RAP1A: variants seen among roughly 807,000 people sequenced by gnomAD.
RAP1A encodes the protein ras-related protein Rap-1A.
A neutral mutation model predicts 26.4 loss-of-function variants in RAP1A; 6 were observed. The ratio of observed to expected loss-of-function variants is 0.23; its 90% confidence interval spans 0.12 to 0.45. The LOEUF (loss-of-function observed/expected upper bound fraction) is 0.45, where lower values mean the gene tolerates loss of function less well. Among genes scored for constraint, RAP1A ranks in the 20% least tolerant of loss-of-function variants. RAP1A has a pLI of 0.99. For missense variants in RAP1A, 121 were observed against 217.2 expected (o/e 0.56, Z 2.78); for synonymous variants, 73 against 79.4 (o/e 0.92, Z 0.43).
intron 1 of RAP1A, among the ~76,000 whole-genome samples, chr1:111,588,027 C>A (rs1429705918): frequency 6.6e-6 from 1 of 152,180 alleles, no homozygotes; most frequent in Non-Finnish European, 1.5e-5. Context: ...TGACCCACAG[C>A]CTCAAATCTC....
chr1:111,610,533 AACACACAC>A (rs71099922), intron 1 of RAP1A, among the ~76,000 whole-genome samples: 4,215 of 141,792 alleles, frequency 0.03, 102 homozygotes, highest in African/African-American at 0.046. Flanking sequence ...CCCTCCACCC[AACACACAC>A]ACACACACAC....
At chr1:111,629,490 C>T (rs1659504879) in intron 1 of RAP1A, among the ~76,000 whole-genome samples, 1 of 152,036 alleles carries the variant, frequency 6.6e-6, no homozygotes, top group Admixed American at 6.6e-5. Flanking sequence ...GAAGCAACCA[C>T]CAATTTAAAA....
chr1:111,552,960 A>T (rs1334642082), intron 1 of RAP1A, among the ~76,000 whole-genome samples: 2 of 152,222 alleles, frequency 1.3e-5, no homozygotes, highest in Non-Finnish European at 2.9e-5. Flanking sequence ...AAGATTATAT[A>T]CTCATCTCTA....
intron 1 of RAP1A, chr1:111,649,197 T>C (rs1423061597): frequency 1.9e-6 from 1 of 517,258 alleles, no homozygotes; most frequent in Admixed American, 2.0e-5. Flanking sequence ...CTTGAAGTAA[T>C]GGCCCCAGTC....
At chr1:111,632,582 A>G (rs1012439107) in intron 1 of RAP1A, among the ~76,000 whole-genome samples, 5 of 152,086 alleles carry the variant, frequency 3.3e-5, no homozygotes, top group African/African-American at 7.2e-5. Flanking sequence ...GGAGGAGGTA[A>G]ATTATGGTTG....
rs975161800 is a variant in RAP1A at position 111,714,634 on chromosome 1, T to C, written c.*2233T>C. 2.0e-5 allele frequency: 3 copies of C among 152,200 alleles called. No individual in the cohort carries two copies. The highest frequency in any genetic ancestry group is 7.2e-5 in the African/African-American group (3 of 41,448). 9.4% of individuals were successfully genotyped at this position (152,200 alleles called of 1,614,324 possible). A position where few individuals can be genotyped will look rare whatever the true frequency, so the allele number is the denominator to read the frequency against. On this transcript the variant is annotated 3_prime_UTR_variant, in exon 8 of 8. Coordinates refer to ENST00000369709, the MANE Select transcript of RAP1A (RefSeq NM_002884.4). ...AACGCCTTTCTGGCACACAGTGATA[T>C]GCAGAGCAGGACCAGCTGAAGTCAG...
At chr1:111,636,057 A>G (rs537819463) in intron 1 of RAP1A, among the ~76,000 whole-genome samples, 2 of 152,214 alleles carry the variant, frequency 1.3e-5, no homozygotes, top group African/African-American at 2.4e-5. Context: ...TCACGACTTA[A>G]TAGTTTAGAC....
In RAP1A at chr1:111,620,218, T is replaced by G. The variant is rs1659148331; in HGVS notation, c.-28+284T>G. ...ACCGTCGGGAGGGGCCCCGGCCGGC[T>G]GTGGGAGAGAAAGAGGACATTGTGT... On this transcript the variant is annotated intron_variant, in intron 1 of 7. Coordinates refer to ENST00000369709, the MANE Select transcript of RAP1A (RefSeq NM_002884.4). 2.0e-5 allele frequency among the ~76,000 whole-genome samples: 3 copies of G among 152,204 alleles called. No homozygotes were observed. The South Asian group carries it at 6.2e-4, about 31-fold the overall frequency.
At chr1:111,668,955 A>T (rs1267730337) in intron 1 of RAP1A, among the ~76,000 whole-genome samples, 2 of 150,260 alleles carry the variant, frequency 1.3e-5, no homozygotes, top group African/African-American at 4.9e-5. Flanking sequence ...CCTTGAGTCC[A>T]GGAGGTCAAG....
chr1:111,570,377 C>T (rs1209497014), intron 1 of RAP1A, among the ~76,000 whole-genome samples: 1 of 152,140 alleles, frequency 6.6e-6, no homozygotes, highest in African/African-American at 2.4e-5. Context: ...TTTTCATGTG[C>T]GTTTGAACCC....
At chr1:111,619,994 C>A in intron 1 of RAP1A, 60 bp downstream of exon 1, 2 of 396,566 alleles carry the variant, frequency 5.0e-6, no homozygotes, top group Non-Finnish European at 8.9e-6. Flanking sequence ...GCGGGTCGGC[C>A]GAGCCGAGGG....
At chr1:111,691,111 T>C (rs1382731033) in intron 1 of RAP1A, among the ~76,000 whole-genome samples, 1 of 152,218 alleles carries the variant, frequency 6.6e-6, no homozygotes, top group Non-Finnish European at 1.5e-5. Flanking sequence ...ATGAACATAA[T>C]TGATGCCTAG....
intron 1 of RAP1A, among the ~76,000 whole-genome samples, chr1:111,580,040 C>T (rs1658223412): frequency 6.6e-6 from 1 of 152,168 alleles, no homozygotes; most frequent in South Asian, 2.1e-4. Flanking sequence ...AGGTGATCCA[C>T]CTGCCTTGGC....
intron 2 of RAP1A, among the ~76,000 whole-genome samples, chr1:111,693,707 C>G (rs1479648185): frequency 6.6e-6 from 1 of 152,102 alleles, no homozygotes; most frequent in East Asian, 1.9e-4. Flanking sequence ...CAGTCTCTTT[C>G]AATAGCACAT....
At chr1:111,700,486 C>G (rs768226301) in intron 4 of RAP1A, among the ~76,000 whole-genome samples, 14 of 152,142 alleles carry the variant, frequency 9.2e-5, no homozygotes, top group Non-Finnish European at 2.1e-4. Context: ...TAGCACCAAG[C>G]TATTCATGAG....
At chr1:111,678,388 A>T (rs114739925) in intron 1 of RAP1A, among the ~76,000 whole-genome samples, 2,583 of 152,208 alleles carry the variant, frequency 0.017, 73 homozygotes, top group African/African-American at 0.06. Flanking sequence ...CATTTTTTTT[A>T]ATTTCAATTT....
intron 1 of RAP1A, among the ~76,000 whole-genome samples, chr1:111,669,032 A>AG (rs938815387): frequency 2.1e-5 from 2 of 93,138 alleles, no homozygotes; most frequent in African/African-American, 7.9e-5. Context: ...TCAAGAAAAA[A>AG]AAAAAAAAAA....
rs565256614 is a variant in RAP1A, at chr1:111,683,788, C to T, written c.-27-7546C>T. ...ACTATTCCAAACAACAGAAGAAGAGCGACTGCTCCCTAACTCATTTTATGA... is the reference window on the plus strand; with the variant it reads ...ACTATTCCAAACAACAGAAGAAGAGTGACTGCTCCCTAACTCATTTTATGA... On this transcript the variant is annotated intron_variant, in intron 1 of 7. Coordinates refer to ENST00000369709, the MANE Select transcript of RAP1A (RefSeq NM_002884.4). Among the ~76,000 whole-genome samples the T allele has an allele frequency of 2.6e-5, 4 of 152,198 alleles. No individual in the cohort carries two copies. In the South Asian group the frequency reaches 6.2e-4, roughly 24 times the overall value.
intron 1 of RAP1A, among the ~76,000 whole-genome samples, chr1:111,657,174 A>G (rs574703808): frequency 1.3e-5 from 2 of 152,322 alleles, no homozygotes; most frequent in South Asian, 4.1e-4. Context: ...CCATAATCCA[A>G]AATCCAAAAT....
Sources: allele counts gnomAD v4.1 joint callset (sites outside exome capture counted in the v4.1 genomes callset), GRCh38; gene constraint gnomAD v4.1.1; transcripts MANE v1.5; gene names NCBI Gene and HGNC (gene_info 2026-07-23, HGNC 2026-07-21).